The following STK33 variants were observed in gnomAD, a reference collection of about 807,000 sequenced individuals.
STK33 encodes the protein serine/threonine kinase 33.
STK33 carries 52 observed loss-of-function variants against 58.0 expected under a neutral mutation model. The observed-to-expected ratio is 0.90, with a 90% CI of 0.72 to 1.13. STK33 has a LOEUF of 1.13. Among genes scored for constraint, STK33 ranks in the 50% most tolerant of loss-of-function variants. The pLI is 0.00. For synonymous variants in STK33, 215 were observed against 200.1 expected, an observed-to-expected ratio of 1.07 and a Z score of -0.63; for missense variants, 630 against 604.2, an observed-to-expected ratio of 1.04 and a Z score of -0.45.
chr11:8,440,605 T>C (rs1196772517), intron 12 of STK33, 73 bp downstream of exon 12: 2 of 1,255,460 alleles, frequency 1.6e-6, no homozygotes, highest in Non-Finnish European at 2.2e-6. Flanking sequence ...TTAGTTTTAA[T>C]TTAAAGTCTA....
chr11:8,386,970 TG>T (rs1227887881), downstream of STK33, among the ~76,000 whole-genome samples: 2 of 152,202 alleles, frequency 1.3e-5, no homozygotes, highest in Non-Finnish European at 2.9e-5. Flanking sequence ...TGTGAATTCC[TG>T]AGGAAAGAAC....
At chr11:8,346,451 G>GA in the STK33 span, among the ~76,000 whole-genome samples, 1 of 152,224 alleles carries the variant, frequency 6.6e-6, no homozygotes, top group African/African-American at 2.4e-5. Context: ...CTTGGGGGCT[G>GA]AATGTGAGGG....
At chr11:8,496,776 G>A (rs1055556875) in intron 1 of STK33, among the ~76,000 whole-genome samples, 6 of 151,876 alleles carry the variant, frequency 4.0e-5, no homozygotes, top group African/African-American at 1.2e-4. Context: ...GGATTTCACC[G>A]TGTTAGCCAG....
chr11:8,532,208 A>G (rs1954610570), intron 1 of STK33, among the ~76,000 whole-genome samples: 1 of 152,282 alleles, frequency 6.6e-6, no homozygotes, highest in Admixed American at 6.5e-5. Flanking sequence ...ATGTGATGTT[A>G]CCATCACTTA....
rs563780149 is a variant in STK33 at position 8,405,995 on chromosome 11, T to C, written c.1344+7500A>G. Among the ~76,000 whole-genome samples, 170 of 151,902 alleles carry C rather than the reference T, an allele frequency of 1.1e-3. 2 individuals are homozygous for C. Among genetic ancestry groups the C allele is most frequent in the Non-Finnish European group, 1.1e-3 (72 of 67,926 alleles). ...ATCTCTACTAAAAATACAAAAAAAT[T>C]AGCCGGGCATGGTGGCGGGTGCCTG... On this transcript the variant is annotated intron_variant, in intron 15 of 15. Coordinates refer to ENST00000687296, the MANE Select transcript of STK33 (RefSeq NM_001352389.2).
At chr11:8,532,613 G>A (rs1356409767) in intron 1 of STK33, among the ~76,000 whole-genome samples, 1 of 152,172 alleles carries the variant, frequency 6.6e-6, no homozygotes, top group East Asian at 1.9e-4. Flanking sequence ...ATGACAAATA[G>A]TTTTCATGGC....
chr11:8,504,407 T>C (rs1216268173), intron 1 of STK33, among the ~76,000 whole-genome samples: 1 of 152,194 alleles, frequency 6.6e-6, no homozygotes, highest in African/African-American at 2.4e-5. Context: ...TGTAATGTGC[T>C]AAAGCTGGCC....
intron 14 of STK33, among the ~76,000 whole-genome samples, chr11:8,419,341 C>G (rs900399756): frequency 6.6e-6 from 1 of 152,152 alleles, no homozygotes; most frequent in African/African-American, 2.4e-5. Context: ...AATAGAAAGT[C>G]CTTTCCCCAC....
the STK33 span, among the ~76,000 whole-genome samples, chr11:8,346,370 T>TC: frequency 6.6e-6 from 1 of 152,034 alleles, no homozygotes; most frequent in Non-Finnish European, 1.5e-5. Flanking sequence ...GCGGTCAGCC[T>TC]CCCAGGGTAC....
chr11:8,362,314 G>A, the STK33 span, among the ~76,000 whole-genome samples: 3 of 152,118 alleles, frequency 2.0e-5, no homozygotes, highest in African/African-American at 4.8e-5. Flanking sequence ...ATATTGGAAC[G>A]TCTCTATAAT....
At chr11:8,467,465 C>G (rs1031232067) in intron 6 of STK33, 1 of 152,254 alleles carries the variant, frequency 6.6e-6, no homozygotes, top group Non-Finnish European at 1.5e-5. Context: ...CACCTTTGCT[C>G]CAGTTCCCAA....
rs745404119 is a variant in STK33 at position 8,413,476 on chromosome 11, C to G, written c.1344+19G>C. 6.2e-7 allele frequency: 1 copy of G among 1,612,560 alleles called. No homozygotes were observed. Among genetic ancestry groups the G allele is most frequent in the Non-Finnish European group, 8.5e-7 (1 of 1,178,808 alleles). On this transcript the variant is annotated intron_variant, in intron 15 of 15. Transcript: ENST00000687296. ...GGGTATTTTACACTTGGGAGAAATG[C>G]AGCAATGATTCTTCCTACCTGTTTT...
At chr11:8,450,827 T>C (rs1387364679) in intron 11 of STK33, among the ~76,000 whole-genome samples, 1 of 152,156 alleles carries the variant, frequency 6.6e-6, no homozygotes, top group African/African-American at 2.4e-5. Flanking sequence ...CTAAAATTGA[T>C]TATGTAATTA....
the STK33 span, among the ~76,000 whole-genome samples, chr11:8,349,072 G>A: frequency 2.6e-5 from 4 of 152,120 alleles, no homozygotes; most frequent in Non-Finnish European, 5.9e-5. Flanking sequence ...GCTCTCCAGA[G>A]CTGCCTCCCA....
intron 2 of STK33, among the ~76,000 whole-genome samples, chr11:8,478,323 G>T (rs1949475396): frequency 6.6e-6 from 1 of 152,074 alleles, no homozygotes; most frequent in Admixed American, 6.5e-5. Context: ...AAAAACCAAA[G>T]AATCTTCTAA....
At chr11:8,440,611 G>A in intron 12 of STK33, 67 bp downstream of exon 12, 1 of 1,307,016 alleles carries the variant, frequency 7.7e-7, no homozygotes, top group Non-Finnish European at 1.0e-6. Flanking sequence ...TTAATTTAAA[G>A]TCTATATCAC....
chr11:8,552,483 T>G (rs1956369200), intron 1 of STK33, among the ~76,000 whole-genome samples: 1 of 152,188 alleles, frequency 6.6e-6, no homozygotes, highest in African/African-American at 2.4e-5. Flanking sequence ...TAATAACACA[T>G]AGCTTAAAAC....
At chr11:8,584,371 C>T (rs967125749) in intron 1 of STK33, among the ~76,000 whole-genome samples, 1 of 152,134 alleles carries the variant, frequency 6.6e-6, no homozygotes, top group African/African-American at 2.4e-5. Context: ...GTCTGAAGTG[C>T]CAGCCTGGAC....
chr11:8,541,245 A>G (rs1955496700), intron 1 of STK33, among the ~76,000 whole-genome samples: 1 of 152,130 alleles, frequency 6.6e-6, no homozygotes, highest in Non-Finnish European at 1.5e-5. Flanking sequence ...TACTAATAAA[A>G]GAACAAGAGG....
Sources: allele counts gnomAD v4.1 joint callset (sites outside exome capture counted in the v4.1 genomes callset), GRCh38; gene constraint gnomAD v4.1.1; transcripts MANE v1.5; gene names NCBI Gene and HGNC (gene_info 2026-07-23, HGNC 2026-07-21).